The following INTS6 variants were observed in gnomAD, a reference collection of about 807,000 sequenced individuals.
INTS6 encodes the protein integrator complex subunit 6.
In INTS6, 16 loss-of-function variants were observed where a neutral mutation model predicts 104.9. That is an observed-to-expected ratio of 0.15 (90% CI 0.10 to 0.23). INTS6 has a LOEUF of 0.23. Ranked by LOEUF, INTS6 falls within the 10% of genes least tolerant of loss-of-function variation. The probability of loss-of-function intolerance (pLI) is 1.00; values close to 1 mark genes in which losing one functional copy is unlikely to be tolerated. For synonymous variants in INTS6, 324 were observed against 358.7 expected, an observed-to-expected ratio of 0.90 and a Z score of 1.09; for missense variants, 584 against 1,062.8, an observed-to-expected ratio of 0.55 and a Z score of 6.26.
At chr13:51,383,033 A>G (rs1463755746) in intron 9 of INTS6, among the ~76,000 whole-genome samples, 1 of 151,766 alleles carries the variant, frequency 6.6e-6, no homozygotes, top group Non-Finnish European at 1.5e-5. Flanking sequence ...GTGAGCTGAG[A>G]ATACGCCACT....
At chr13:51,389,819 A>G (rs1211548332) in intron 5 of INTS6, among the ~76,000 whole-genome samples, 2 of 152,156 alleles carry the variant, frequency 1.3e-5, no homozygotes, top group Non-Finnish European at 2.9e-5. Context: ...TCTTTAACAC[A>G]TATACACACA....
chr13:51,409,854 C>A (rs773155363), intron 4 of INTS6, among the ~76,000 whole-genome samples: 2 of 151,802 alleles, frequency 1.3e-5, no homozygotes, highest in Admixed American at 1.3e-4. Flanking sequence ...TGATTTTGTA[C>A]GTAAAAAGCT....
At chr13:51,357,418 A>T (rs573052945), downstream of INTS6, among the ~76,000 whole-genome samples, 3 of 152,248 alleles carry the variant, frequency 2.0e-5, no homozygotes, top group Admixed American at 1.3e-4. Context: ...TGATCAGAAA[A>T]TACTGGCCTC....
At chr13:51,359,792 G>A (rs1186207025), downstream of INTS6, among the ~76,000 whole-genome samples, 1 of 152,038 alleles carries the variant, frequency 6.6e-6, no homozygotes, top group African/African-American at 2.4e-5. Context: ...TAACCCTAAA[G>A]CTCTTTGTAA....
chr13:51,408,978 T>A (rs779408942), intron 4 of INTS6, among the ~76,000 whole-genome samples: 11 of 152,150 alleles, frequency 7.2e-5, no homozygotes, highest in Admixed American at 1.3e-4. Context: ...CAGCTGCATA[T>A]CCCTTTCTTC....
At position 51,452,987 on chromosome 13, in the gene INTS6, C is replaced by G. The variant is rs1780160850; in HGVS notation, c.-462G>C. ...TTGGGAGAAGTTTCAGGGACTCCCTCCGCACCCCGGCGGTGTCACCACTTT... is the reference window on the plus strand; with the variant it reads ...TTGGGAGAAGTTTCAGGGACTCCCTGCGCACCCCGGCGGTGTCACCACTTT... On this transcript the variant is annotated 5_prime_UTR_variant, in exon 1 of 18. Coordinates refer to ENST00000311234, the MANE Select transcript of INTS6 (RefSeq NM_012141.3). The surrounding 1 kb of genome is among the most constrained non-coding windows in gnomAD (Gnocchi z 4.2). The G allele has an allele frequency of 9.9e-7, 1 of 1,005,392 alleles. No individual in the cohort carries two copies. 62.3% of individuals were successfully genotyped at this position (1,005,392 alleles called of 1,614,324 possible).
At chr13:51,413,082 A>C (rs934661018) in intron 4 of INTS6, among the ~76,000 whole-genome samples, 3 of 152,250 alleles carry the variant, frequency 2.0e-5, no homozygotes, top group Admixed American at 1.3e-4. Flanking sequence ...GGTAATCAAA[A>C]AGAAAGACAG....
chr13:51,370,761 AC>A (rs1955787492), intron 15 of INTS6, among the ~76,000 whole-genome samples: 1 of 151,768 alleles, frequency 6.6e-6, no homozygotes. Context: ...CCCCCTAACA[AC>A]CTCCACCTGG....
intron 6 of INTS6, 70 bp downstream of exon 6, chr13:51,389,248 TA>T (rs1338938832): frequency 1.3e-6 from 2 of 1,528,790 alleles, no homozygotes; most frequent in Non-Finnish European, 1.8e-6. Flanking sequence ...CAAATCACAG[TA>T]AGTTTTCAGT....
downstream of INTS6, among the ~76,000 whole-genome samples, chr13:51,357,184 T>C (rs1450240283): frequency 1.3e-5 from 2 of 152,206 alleles, no homozygotes; most frequent in Non-Finnish European, 2.9e-5. Flanking sequence ...ACCAAATTAT[T>C]GCTTCTTAAT....
chr13:51,362,035 T>C lies in INTS6; in HGVS notation c.*3717A>G. On this transcript the variant is annotated 3_prime_UTR_variant, in exon 18 of 18. Transcript: ENST00000311234. ...TGCTTCAGAAGCTACCCAGTTGCTATCTTCTATCCTAAGAAAGGGGACTAT... is the reference window on the plus strand; with the variant it reads ...TGCTTCAGAAGCTACCCAGTTGCTACCTTCTATCCTAAGAAAGGGGACTAT... 6.3e-7 allele frequency: 1 copy of C among 1,591,840 alleles called. No homozygotes were observed. Among genetic ancestry groups the C allele is most frequent in the Non-Finnish European group, 8.5e-7 (1 of 1,173,016 alleles).
chr13:51,339,287 A>G, the INTS6 span: 1 of 152,132 alleles, frequency 6.6e-6, no homozygotes, highest in Non-Finnish European at 1.5e-5. Context: ...ATGCCCAATG[A>G]CTGATTTATT....
chr13:51,417,623 T>A (rs1423390296), intron 4 of INTS6, among the ~76,000 whole-genome samples: 1 of 151,694 alleles, frequency 6.6e-6, no homozygotes, highest in Admixed American at 6.6e-5. Context: ...CCCGGCTAAT[T>A]TTTTGTATTT....
At chr13:51,408,133 A>G (rs369808958) in intron 4 of INTS6, among the ~76,000 whole-genome samples, 8 of 151,784 alleles carry the variant, frequency 5.3e-5, no homozygotes, top group Middle Eastern at 3.4e-3. Flanking sequence ...ACTAGAATAA[A>G]CCATTGAGAT....
At chr13:51,395,803 T>G (rs1380982350) in intron 4 of INTS6, among the ~76,000 whole-genome samples, 1 of 152,172 alleles carries the variant, frequency 6.6e-6, no homozygotes, top group Non-Finnish European at 1.5e-5. Flanking sequence ...AACCCTGTGA[T>G]AGATATGTTA....
At chr13:51,394,559 T>A (rs1229565916) in intron 5 of INTS6, among the ~76,000 whole-genome samples, 1 of 152,194 alleles carries the variant, frequency 6.6e-6, no homozygotes, top group Non-Finnish European at 1.5e-5. Context: ...TTGCACATTT[T>A]AATATCAAAT....
chr13:51,449,933 G>C, intron 3 of INTS6: 2 of 985,056 alleles, frequency 2.0e-6, no homozygotes, highest in Non-Finnish European at 2.4e-6. Flanking sequence ...CATTTTAAAT[G>C]TTATAGAACT....
chr13:51,416,302 C>G (rs1956785380), intron 4 of INTS6, among the ~76,000 whole-genome samples: 1 of 152,112 alleles, frequency 6.6e-6, no homozygotes, highest in African/African-American at 2.4e-5. Flanking sequence ...GTGGCTGAAC[C>G]AGGAAGTCAG....
rs1335425832 is a variant in INTS6 at position 51,378,496 on chromosome 13, A to G, written c.1387-42T>C. Reference sequence around the variant, plus strand: ...TCAGAATTATCTTGATAAAATCTAAATTAATAAATCAGATACTAATGGTTA... The same window carrying G: ...TCAGAATTATCTTGATAAAATCTAAGTTAATAAATCAGATACTAATGGTTA... On this transcript the variant is annotated intron_variant, in intron 11 of 17. Coordinates refer to ENST00000311234, the MANE Select transcript of INTS6 (RefSeq NM_012141.3). 5 of 1,318,488 alleles carry G rather than the reference A, an allele frequency of 3.8e-6. No individual in the cohort carries two copies. The South Asian group carries it at 6.3e-5, about 17-fold the overall frequency. 81.7% of individuals were successfully genotyped at this position (1,318,488 alleles called of 1,614,324 possible). A position where few individuals can be genotyped will look rare whatever the true frequency, so the allele number is the denominator to read the frequency against.
Sources: gnomAD v4.1 joint callset for allele counts (sites outside exome capture counted in the v4.1 genomes callset) on GRCh38, gnomAD v4.1.1 for gene constraint, Gnocchi (gnomAD v3.1) non-coding constraint, MANE v1.5 for transcripts, NCBI Gene and HGNC (gene_info 2026-07-23, HGNC 2026-07-21) for gene names.